The following STXBP5L variants were observed in gnomAD, a reference collection of about 807,000 sequenced individuals.
STXBP5L encodes the protein syntaxin-binding protein 5-like.
In STXBP5L, 65 loss-of-function variants were observed where a neutral mutation model predicts 144.5. The ratio of observed to expected loss-of-function variants is 0.45; its 90% CI spans 0.37 to 0.55. STXBP5L has a LOEUF of 0.55. STXBP5L is among the 20% of genes least tolerant of loss of function. The pLI, the probability that STXBP5L is intolerant of heterozygous loss-of-function variation, is 0.00. For synonymous variants in STXBP5L, 505 were observed against 469.6 expected (o/e 1.08, Z -0.97); for missense variants, 1,298 against 1,405.5 (o/e 0.92, Z 1.22).
chr3:121,283,014 T>G (rs2051112548), intron 19 of STXBP5L, among the ~76,000 whole-genome samples: 1 of 151,952 alleles, frequency 6.6e-6, no homozygotes, highest in Admixed American at 6.6e-5. Flanking sequence ...AGTGAGAGTG[T>G]GTGTGACTGG....
At position 121,116,718 on chromosome 3, in the gene STXBP5L, A is replaced by C. The variant is rs139960075; in HGVS notation, c.605+1659A>C. Among the ~76,000 whole-genome samples, 510 of 152,000 alleles carry C rather than the reference A, an allele frequency of 3.4e-3. 2 individuals carry two copies. Among genetic ancestry groups the C allele is most frequent in the Non-Finnish European group, 4.2e-3 (282 of 67,864 alleles). On this transcript the variant is annotated intron_variant, in intron 6 of 26. Coordinates refer to ENST00000471454, the MANE Select transcript of STXBP5L (RefSeq NM_001308330.2). ...AAAAACATTAATCCTATAAATAATT[A>C]TGTTTCCCCCCAAAGTTACTTTATT...
intron 20 of STXBP5L, among the ~76,000 whole-genome samples, chr3:121,358,696 G>C (rs935009982): frequency 7.9e-5 from 12 of 152,088 alleles, no homozygotes; most frequent in Non-Finnish European, 1.8e-4. Flanking sequence ...CTGTCCATGA[G>C]TTTAATTGAT....
At chr3:120,917,675 C>T (rs1369415678) in intron 2 of STXBP5L, among the ~76,000 whole-genome samples, 2 of 152,072 alleles carry the variant, frequency 1.3e-5, no homozygotes, top group Non-Finnish European at 2.9e-5. Flanking sequence ...AGTACTCCAG[C>T]CTGGGCAACA....
chr3:121,239,623 C>T (rs2049598750), intron 13 of STXBP5L, among the ~76,000 whole-genome samples: 1 of 147,088 alleles, frequency 6.8e-6, no homozygotes, highest in Admixed American at 7.0e-5. Context: ...AAACCAAACA[C>T]CTCATATTCT....
chr3:121,014,090 C>T (rs565054318), intron 3 of STXBP5L, among the ~76,000 whole-genome samples: 1 of 151,820 alleles, frequency 6.6e-6, no homozygotes. Context: ...CAGCTTTGTT[C>T]TTTTTGCTTA....
intron 20 of STXBP5L, among the ~76,000 whole-genome samples, chr3:121,374,851 G>A: frequency 6.6e-6 from 1 of 151,616 alleles, no homozygotes; most frequent in South Asian, 2.1e-4. Flanking sequence ...TAGGAGTTGT[G>A]GAAAACAAGC....
At chr3:121,004,857 T>G (rs1277811702) in intron 3 of STXBP5L, among the ~76,000 whole-genome samples, 2 of 152,214 alleles carry the variant, frequency 1.3e-5, no homozygotes, top group African/African-American at 4.8e-5. Flanking sequence ...TTACGTTTAT[T>G]GATTTGCATA....
intron 2 of STXBP5L, 139 bp downstream of exon 2, chr3:120,909,906 A>G: frequency 2.3e-6 from 2 of 873,124 alleles, no homozygotes; most frequent in Non-Finnish European, 3.4e-6. Context: ...CTGTGGGTAG[A>G]TCAGTTTGGC....
chr3:121,071,554 C>A (rs979213153), intron 5 of STXBP5L, among the ~76,000 whole-genome samples: 1 of 152,142 alleles, frequency 6.6e-6, no homozygotes, highest in Non-Finnish European at 1.5e-5. Flanking sequence ...CTGGTTTCAG[C>A]CAGCTATGAT....
intron 7 of STXBP5L, among the ~76,000 whole-genome samples, chr3:121,125,974 G>A (rs2044687332): frequency 6.6e-6 from 1 of 152,012 alleles, no homozygotes; most frequent in Non-Finnish European, 1.5e-5. Context: ...ATAAACTTTT[G>A]GAGATTTCTT....
intron 3 of STXBP5L, among the ~76,000 whole-genome samples, chr3:120,983,411 G>C (rs917405268): frequency 2.0e-5 from 3 of 152,044 alleles, no homozygotes; most frequent in African/African-American, 7.2e-5. Flanking sequence ...CTGTTTTTGG[G>C]GCCTTGTGAA....
At chr3:121,187,382 C>A (rs980915970) in intron 9 of STXBP5L, among the ~76,000 whole-genome samples, 1 of 135,896 alleles carries the variant, frequency 7.4e-6, no homozygotes, top group Non-Finnish European at 1.5e-5. Flanking sequence ...AGGGGAACAT[C>A]ACACACTGGG....
chr3:121,221,860 T>C (rs1424010527), intron 10 of STXBP5L, among the ~76,000 whole-genome samples: 1 of 151,784 alleles, frequency 6.6e-6, no homozygotes, highest in African/African-American at 2.4e-5. Context: ...TGTATGTTTG[T>C]ATAGAAGCTT....
At chr3:121,203,062 T>C (rs896291775) in intron 9 of STXBP5L, among the ~76,000 whole-genome samples, 1 of 139,204 alleles carries the variant, frequency 7.2e-6, no homozygotes, top group Admixed American at 7.1e-5. Flanking sequence ...TCCTTCATTC[T>C]TTTTTTCTGT....
chr3:121,010,265 T>A (rs1201591149), intron 3 of STXBP5L, among the ~76,000 whole-genome samples: 4 of 151,780 alleles, frequency 2.6e-5, no homozygotes, highest in Non-Finnish European at 4.4e-5. Context: ...AGTGAGGGAA[T>A]CACTACTACA....
rs111761995 is a variant in STXBP5L, at chr3:121,003,498, A to G, written c.288-38202A>G. 2.5e-3 allele frequency among the ~76,000 whole-genome samples: 382 copies of G among 152,274 alleles called. 3 individuals carry two copies. Among genetic ancestry groups the G allele is most frequent in the African/African-American group, 8.6e-3 (356 of 41,556 alleles). ...TTGCAAAAATTTTCTCCCATGCTCT[A>G]GGTTGCCTGTTCACTCTGATGGTAG... On this transcript the variant is annotated intron_variant, in intron 3 of 26. Transcript: ENST00000471454.
intron 9 of STXBP5L, among the ~76,000 whole-genome samples, chr3:121,167,252 T>A (rs1178923390): frequency 6.6e-6 from 1 of 152,182 alleles, no homozygotes; most frequent in Non-Finnish European, 1.5e-5. Flanking sequence ...GCTCTAAACC[T>A]AAGAAATATA....
chr3:121,316,338 G>A (rs1465875525), intron 19 of STXBP5L, among the ~76,000 whole-genome samples: 1 of 152,180 alleles, frequency 6.6e-6, no homozygotes, highest in Non-Finnish European at 1.5e-5. Flanking sequence ...AGAATCAATA[G>A]ACAGTACAGA....
At chr3:121,027,330 C>T (rs967215025) in intron 3 of STXBP5L, among the ~76,000 whole-genome samples, 3 of 151,970 alleles carry the variant, frequency 2.0e-5, no homozygotes, top group Non-Finnish European at 4.4e-5. Flanking sequence ...AAGTCACCCC[C>T]GTGGGATATC....
Sources: allele counts gnomAD v4.1 joint callset (sites outside exome capture counted in the v4.1 genomes callset), GRCh38; gene constraint gnomAD v4.1.1; transcripts MANE v1.5; gene names NCBI Gene and HGNC (gene_info 2026-07-23, HGNC 2026-07-21).